The following PLCXD1 variants were observed in gnomAD, a reference collection of about 807,000 sequenced individuals.
PLCXD1 encodes the protein phosphatidylinositol specific phospholipase C X domain containing 1.
In PLCXD1, 45 loss-of-function variants were observed where a neutral mutation model predicts 37.8. The observed-to-expected ratio is 1.19, with a 90% CI of 0.94 to 1.53. PLCXD1 has a LOEUF of 1.53. PLCXD1 is among the 40% of genes most tolerant of loss of function. The pLI, the probability that PLCXD1 is intolerant of heterozygous loss-of-function variation, is 0.00. For synonymous variants in PLCXD1, 246 were observed against 206.9 expected (o/e 1.19, Z -1.62); for missense variants, 539 against 454.7 (o/e 1.19, Z -1.69).
chrX:284,361 G>A (rs374926194), intron 2 of PLCXD1, 47 bp downstream of exon 2: 111 of 1,606,314 alleles, frequency 6.9e-5, no homozygotes, highest in African/African-American at 2.8e-4. Flanking sequence ...CCCAGGTGAC[G>A]GCAGGGTGGG....
chrX:297,221 T>C (rs1326252356), intron 6 of PLCXD1, among the ~76,000 whole-genome samples: 2 of 32,738 alleles, frequency 6.1e-5, no homozygotes. Context: ...CATTATTCTG[T>C]CTATCACATG....
At chrX:298,965 A>G (rs2124406960) in intron 6 of PLCXD1, 132 bp from the exon 7 acceptor site, 1 of 732,550 alleles carries the variant, frequency 1.4e-6, no homozygotes, top group Non-Finnish European at 2.4e-6. Context: ...AGCTCACCCA[A>G]TTTCCTTGTT....
At chrX:278,880 T>C (rs1373162668), upstream of PLCXD1, among the ~76,000 whole-genome samples, 1 of 152,002 alleles carries the variant, frequency 6.6e-6, no homozygotes, top group Non-Finnish European at 1.5e-5. Flanking sequence ...CAGACATGAA[T>C]CCATACGTGT....
intron 2 of PLCXD1, among the ~76,000 whole-genome samples, chrX:287,182 C>T (rs2069471858): frequency 6.8e-6 from 1 of 146,432 alleles, no homozygotes; most frequent in Non-Finnish European, 1.5e-5. Context: ...TACACACACA[C>T]ATTTATATGT....
In PLCXD1 at chrX:288,889, C is replaced by G; in HGVS notation, c.264+20C>G. Reference sequence around the variant, plus strand: ...ACCCAGGTACGGTCTGTGCCCCGTGCTGCTGACCTGGCCTGTCAGCTATGT... The same window carrying G: ...ACCCAGGTACGGTCTGTGCCCCGTGGTGCTGACCTGGCCTGTCAGCTATGT... On this transcript the variant is annotated intron_variant, in intron 3 of 6. Coordinates refer to ENST00000381657, the MANE Select transcript of PLCXD1 (RefSeq NM_018390.4). 6.2e-7 allele frequency: 1 copy of G among 1,610,086 alleles called. No individual in the cohort carries two copies. Among genetic ancestry groups the G allele is most frequent in the African/African-American group, 1.3e-5 (1 of 74,940 alleles).
upstream of PLCXD1, among the ~76,000 whole-genome samples, chrX:278,613 C>T (rs1233046711): frequency 1.3e-5 from 2 of 151,704 alleles, no homozygotes; most frequent in Non-Finnish European, 2.9e-5. Flanking sequence ...GTGGTGGGCG[C>T]CTGTAGTCCC....
chrX:283,038 T>C (rs2069325739), intron 1 of PLCXD1: 1 of 135,158 alleles, frequency 7.4e-6, no homozygotes, highest in Non-Finnish European at 1.6e-5. Flanking sequence ...ATATAATATG[T>C]ATATATGTAT....
At chrX:290,388 C>G (rs1243654895) in intron 3 of PLCXD1, among the ~76,000 whole-genome samples, 1 of 150,504 alleles carries the variant, frequency 6.6e-6, no homozygotes, top group African/African-American at 2.5e-5. Flanking sequence ...CCAGATTGCA[C>G]CACTGCACTC....
At chrX:295,123 C>T (rs1229603008) in intron 6 of PLCXD1, among the ~76,000 whole-genome samples, 5 of 149,042 alleles carry the variant, frequency 3.4e-5, no homozygotes, top group South Asian at 2.1e-4. Flanking sequence ...GAGCCGAAAT[C>T]GCGCCACAGC....
rs1012791240 is a variant in PLCXD1 at position 284,257 on chromosome X, A to G, written c.70A>G (p.Met24Val). The change falls in exon 2 of 7, where the codon ATG becomes GTG. Residue 24 changes from methionine (M) to valine (V), a missense_variant. Transcript: ENST00000381657. ...CTGCAGAAATGCCAACGAGGACTGG[A>G]TGTCGGCACTGTGTCCCCGGCTCTG... ...LHCRNANEDW[M>V]SALCPRLWDV... The G allele has an allele frequency of 1.9e-6, 3 of 1,613,122 alleles. No individual in the cohort carries two copies. In the African/African-American group the frequency reaches 4.0e-5, roughly 22 times the overall value.
rs1309773549 is a variant in PLCXD1, at chrX:299,689, G to A, written c.*354G>A. 4 of 389,640 alleles carry A rather than the reference G, an allele frequency of 1.0e-5. No individual in the cohort carries two copies. Among genetic ancestry groups the A allele is most frequent in the Middle Eastern group, 7.6e-4 (1 of 1,312 alleles). 24.1% of individuals were successfully genotyped at this position (389,640 alleles called of 1,614,324 possible). ...GGAGAACTGCTTGAAGCCGGGAGAT[G>A]GAGGTTGCATTGAGCTGACATCGTG... On this transcript the variant is annotated 3_prime_UTR_variant, in exon 7 of 7. Transcript: ENST00000381657.
chrX:292,898 C>A lies in PLCXD1; in HGVS notation c.550-137C>A. 1.0e-5 allele frequency: 6 copies of A among 581,088 alleles called. No homozygotes were observed. In the South Asian group the frequency reaches 1.5e-4, roughly 14 times the overall value. 36.0% of individuals were successfully genotyped at this position (581,088 alleles called of 1,614,324 possible). On this transcript the variant is annotated intron_variant, in intron 5 of 6. Transcript: ENST00000381657. Reference sequence around the variant, plus strand: ...AAAGTGCTGGGATTACAGGCGTCAGCCACTGCGCCCGGCCAGAATTTCATT... The same window carrying A: ...AAAGTGCTGGGATTACAGGCGTCAGACACTGCGCCCGGCCAGAATTTCATT...
chrX:298,896 C>G (rs189783836), intron 6 of PLCXD1, among the ~76,000 whole-genome samples: 1 of 151,462 alleles, frequency 6.6e-6, no homozygotes, highest in East Asian at 1.9e-4. Context: ...GTCTCCCACA[C>G]GGTGTTACGA....
upstream of PLCXD1, chrX:281,332 G>C (rs1466585340): frequency 6.3e-6 from 1 of 157,544 alleles, no homozygotes; most frequent in Non-Finnish European, 1.4e-5. Flanking sequence ...CCTCCTCCTG[G>C]GCCCAGCAGG....
At chrX:279,656 C>A (rs781130655), upstream of PLCXD1, among the ~76,000 whole-genome samples, 1 of 152,090 alleles carries the variant, frequency 6.6e-6, no homozygotes, top group South Asian at 2.1e-4. Context: ...TGCTTGTAAT[C>A]CCAGCTGTGC....
intron 4 of PLCXD1, 104 bp from the exon 5 acceptor site, chrX:291,395 C>T (rs1313766517): frequency 4.9e-5 from 64 of 1,311,768 alleles, no homozygotes; most frequent in Non-Finnish European, 6.8e-5. Context: ...ATCCACCCGC[C>T]TCGGCCTCCC....
chrX:282,205 A>G (rs1279341183), intron 1 of PLCXD1, among the ~76,000 whole-genome samples: 4 of 152,136 alleles, frequency 2.6e-5, no homozygotes. Context: ...AATCAGTTTT[A>G]ATCTAAATGA....
intron 2 of PLCXD1, among the ~76,000 whole-genome samples, chrX:287,816 T>C (rs1219261463): frequency 6.6e-6 from 1 of 151,514 alleles, no homozygotes; most frequent in Non-Finnish European, 1.5e-5. Flanking sequence ...AGGCAGGAAA[T>C]GCAAACGTCA....
Position 288,783 on chromosome X carries a change from C to CACG in PLCXD1, c.180_182dup (p.His60_Glu61insAsp). ...CCTGAACAAGAAGTCCCCCATTTCG[C>CACG]ACGAGGAGTCCCGGCTGCTGCAGCT... On this transcript the variant is annotated inframe_insertion, in exon 3 of 7. Coordinates refer to ENST00000381657, the MANE Select transcript of PLCXD1 (RefSeq NM_018390.4). The CACG allele has an allele frequency of 6.2e-7, 1 of 1,613,750 alleles. No homozygotes were observed. The highest frequency in any genetic ancestry group is 1.7e-4 in the Middle Eastern group (1 of 6,050).
Sources: allele counts gnomAD v4.1 joint callset (sites outside exome capture counted in the v4.1 genomes callset), GRCh38; gene constraint gnomAD v4.1.1; transcripts MANE v1.5; gene names NCBI Gene and HGNC (gene_info 2026-07-23, HGNC 2026-07-21).